Variants in ADGRL3 observed in about 807,000 individuals in gnomAD.
ADGRL3 encodes the protein calcium-independent alpha-latrotoxin receptor 3.
In ADGRL3, 62 loss-of-function variants were observed where a neutral mutation model predicts 153.5. The ratio of observed to expected loss-of-function variants is 0.40; its 90% CI spans 0.33 to 0.50. The LOEUF (loss-of-function observed/expected upper bound fraction) is 0.50, where lower values mean the gene tolerates loss of function less well. ADGRL3 is among the 20% of genes least tolerant of loss of function. ADGRL3 has a pLI of 0.47. For synonymous variants in ADGRL3, 710 were observed against 672.5 expected (o/e 1.06, Z -0.86); for missense variants, 1,641 against 1,859.4 (o/e 0.88, Z 2.16).
At chr4:61,406,472 G>A (rs1016569621) in intron 2 of ADGRL3, among the ~76,000 whole-genome samples, 2 of 142,320 alleles carry the variant, frequency 1.4e-5, no homozygotes, top group Non-Finnish European at 3.1e-5. Context: ...TTATCAGTAT[G>A]TCTTTCTCCA....
chr4:61,755,489 G>A (rs532714068), intron 8 of ADGRL3, among the ~76,000 whole-genome samples: 1 of 152,064 alleles, frequency 6.6e-6, no homozygotes, highest in East Asian at 1.9e-4. Flanking sequence ...TTGTAAATTT[G>A]TTTCAGTTCA....
chr4:61,654,790 G>T (rs373419060), intron 5 of ADGRL3, among the ~76,000 whole-genome samples: 1 of 151,900 alleles, frequency 6.6e-6, no homozygotes, highest in South Asian at 2.1e-4. Flanking sequence ...CTAGTTACTC[G>T]GGAGGCTGAG....
intron 23 of ADGRL3, among the ~76,000 whole-genome samples, chr4:62,034,704 T>C (rs1454524727): frequency 2.0e-5 from 3 of 151,916 alleles, no homozygotes; most frequent in Non-Finnish European, 4.4e-5. Context: ...ATTGCTGTCT[T>C]ATTGAATTAT....
intron 2 of ADGRL3, among the ~76,000 whole-genome samples, chr4:61,456,397 C>CTATATCTATATATA (rs1560664237): frequency 1.1e-5 from 1 of 90,134 alleles, no homozygotes; most frequent in Non-Finnish European, 2.3e-5. Context: ...ATAGATATAT[C>CTATATCTATATATA]TATATCTATA....
At chr4:61,417,235 T>C (rs569781995) in intron 2 of ADGRL3, among the ~76,000 whole-genome samples, 2 of 152,282 alleles carry the variant, frequency 1.3e-5, no homozygotes, top group South Asian at 2.1e-4. Context: ...GGCTTACACC[T>C]GTAATCCCAG....
chr4:61,939,872 G>T (rs1332327705), intron 15 of ADGRL3, among the ~76,000 whole-genome samples: 1 of 151,834 alleles, frequency 6.6e-6, no homozygotes, highest in Non-Finnish European at 1.5e-5. Flanking sequence ...ACTCACTGAT[G>T]ATGTTCCACG....
At chr4:61,793,841 C>A (rs2097373656) in intron 8 of ADGRL3, among the ~76,000 whole-genome samples, 1 of 151,780 alleles carries the variant, frequency 6.6e-6, no homozygotes, top group South Asian at 2.1e-4. Context: ...TATGGTCATG[C>A]CAAAAACAAA....
chr4:61,960,715 T>TTTTGC (rs1473698979), intron 17 of ADGRL3, among the ~76,000 whole-genome samples: 1 of 152,050 alleles, frequency 6.6e-6, no homozygotes, highest in East Asian at 1.9e-4. Flanking sequence ...TTTTGTTTTG[T>TTTTGC]TTTATTTTGT....
chr4:62,070,911 G>C lies in ADGRL3; in HGVS notation c.*3G>C, dbSNP rs1745469244. The C allele has an allele frequency of 3.9e-6, 6 of 1,534,414 alleles. No homozygotes were observed. The highest frequency in any genetic ancestry group is 5.3e-6 in the Non-Finnish European group (6 of 1,138,230). On this transcript the variant is annotated 3_prime_UTR_variant, in exon 27 of 27. Transcript: ENST00000683033. ...CTCATTTGGTCACTAGTCTATAGAAGATGACACAGAAATTGGAACCAACAA... is the reference window on the plus strand; with the variant it reads ...CTCATTTGGTCACTAGTCTATAGAACATGACACAGAAATTGGAACCAACAA...
chr4:61,324,042 C>A (rs1320288576), intron 1 of ADGRL3, among the ~76,000 whole-genome samples: 2 of 152,120 alleles, frequency 1.3e-5, no homozygotes, highest in Non-Finnish European at 2.9e-5. Context: ...TGGATGGCAG[C>A]AGGCAAAGAG....
chr4:61,515,213 C>A (rs1173686834), intron 3 of ADGRL3, among the ~76,000 whole-genome samples: 1 of 152,122 alleles, frequency 6.6e-6, no homozygotes, highest in Non-Finnish European at 1.5e-5. Flanking sequence ...TTCTCAAACA[C>A]ACCAAGGGAT....
At chr4:61,444,425 G>A (rs2097559415) in intron 2 of ADGRL3, among the ~76,000 whole-genome samples, 1 of 152,146 alleles carries the variant, frequency 6.6e-6, no homozygotes, top group African/African-American at 2.4e-5. Flanking sequence ...CCTGACTGGA[G>A]CTCACCATGT....
intron 17 of ADGRL3, 33 bp from the exon 18 acceptor site, chr4:61,979,530 G>A (rs781193291): frequency 1.9e-6 from 3 of 1,596,538 alleles, no homozygotes; most frequent in Non-Finnish European, 1.7e-6. Flanking sequence ...TTATGCATAA[G>A]CGCAACTTAT....
chr4:61,326,378 T>A (rs912780170), intron 1 of ADGRL3, among the ~76,000 whole-genome samples: 1 of 152,056 alleles, frequency 6.6e-6, no homozygotes, highest in African/African-American at 2.4e-5. Flanking sequence ...TATAAAAAAG[T>A]TTATAATCGT....
chr4:61,231,297 C>A (rs76118019), intron 1 of ADGRL3, among the ~76,000 whole-genome samples: 5 of 152,138 alleles, frequency 3.3e-5, no homozygotes, highest in African/African-American at 1.2e-4. Context: ...GTTATACTTG[C>A]GGATGTCACT....
intron 9 of ADGRL3, among the ~76,000 whole-genome samples, chr4:61,865,894 C>T (rs758727792): frequency 1.6e-4 from 24 of 152,058 alleles, no homozygotes; most frequent in Non-Finnish European, 2.5e-4. Context: ...GAATCTCTCA[C>T]TTAGGCAGAT....
chr4:61,990,307 C>CAT (rs1480386471), intron 19 of ADGRL3, among the ~76,000 whole-genome samples: 4 of 151,628 alleles, frequency 2.6e-5, no homozygotes, highest in Non-Finnish European at 4.4e-5. Context: ...TATATGTTCC[C>CAT]ATATATATAT....
At chr4:61,444,739 A>C (rs537461282) in intron 2 of ADGRL3, among the ~76,000 whole-genome samples, 8 of 152,252 alleles carry the variant, frequency 5.3e-5, no homozygotes, top group Admixed American at 3.9e-4. Context: ...GAATCTCTGC[A>C]ATCAATTTCA....
chr4:61,283,235 C>T (rs950529848), intron 1 of ADGRL3, among the ~76,000 whole-genome samples: 3 of 152,028 alleles, frequency 2.0e-5, no homozygotes, highest in African/African-American at 7.2e-5. Flanking sequence ...TCTCTGTTCC[C>T]TTTGTGTTCA....
Sources: allele counts gnomAD v4.1 joint callset (sites outside exome capture counted in the v4.1 genomes callset), GRCh38; gene constraint gnomAD v4.1.1; transcripts MANE v1.5; gene names NCBI Gene and HGNC (gene_info 2026-07-23, HGNC 2026-07-21).